Variants in FOXN1 observed in about 807,000 individuals in gnomAD.
The protein encoded by FOXN1 is forkhead box protein N1.
FOXN1 carries 15 observed loss-of-function variants against 49.0 expected under a neutral mutation model. That is an observed-to-expected ratio of 0.31 (90% CI 0.20 to 0.47). FOXN1 has a LOEUF of 0.47. Ranked by LOEUF, FOXN1 falls within the 20% of genes least tolerant of loss-of-function variation. FOXN1 has a pLI of 1.00. For synonymous variants in FOXN1, 356 were observed against 369.0 expected (o/e 0.96, Z 0.40); for missense variants, 800 against 842.8 (o/e 0.95, Z 0.63).
chr17:28,537,177 C>T lies in FOXN1; in HGVS notation c.1688C>T (p.Thr563Ile). 1.9e-6 allele frequency: 3 copies of T among 1,614,046 alleles called. No individual in the cohort carries two copies. Among genetic ancestry groups the T allele is most frequent in the South Asian group, 1.1e-5 (1 of 91,080 alleles). Residue 563 changes from threonine (T) to isoleucine (I), a missense_variant, in exon 9 of 9, where the codon ACC becomes ATC. By Grantham distance (89) the Thr-to-Ile change is moderately conservative. Transcript: ENST00000579795. ...SLALDPLVLVTSSPTSSSMPP... is the reference protein window; with the variant it reads ...SLALDPLVLVISSPTSSSMPP... ...GCCCTCGACCCCCTGGTACTGGTGA[C>T]CTCATCCCCGACATCATCTTCGATG...
chr17:28,529,484 G>A (rs567093545), intron 5 of FOXN1, among the ~76,000 whole-genome samples: 15 of 152,190 alleles, frequency 9.9e-5, no homozygotes, highest in Admixed American at 9.8e-4. Flanking sequence ...TGATGAGCCT[G>A]CCAAGGTCTC....
In FOXN1 at chr17:28,524,822, C is replaced by G; in HGVS notation, c.443C>G (p.Ser148Cys). ...ACCACCCTGGCCCTCAAAGGACACT[C>G]CTTTAAGACCCCAGGGCCGCTGGAG... Reference protein sequence around the residue: ...AETTLALKGHSFKTPGPLEAF... With the variant: ...AETTLALKGHCFKTPGPLEAF... Residue 148 changes from serine (S) to cysteine (C), a missense_variant, in exon 3 of 9, where the codon TCC (serine) becomes TGC (cysteine). Ser to Cys is a moderately radical substitution (Grantham distance 112, BLOSUM62 -1). Transcript: ENST00000579795. The G allele has an allele frequency of 1.2e-6, 2 of 1,613,804 alleles. No individual in the cohort carries two copies. Among genetic ancestry groups the G allele is most frequent in the Non-Finnish European group, 8.5e-7 (1 of 1,180,022 alleles).
chr17:28,523,343 G>A (rs190132355), intron 1 of FOXN1, among the ~76,000 whole-genome samples: 222 of 152,280 alleles, frequency 1.5e-3, no homozygotes, highest in Admixed American at 2.9e-3. Context: ...CCAGGCAACC[G>A]GGGGCCTTTG....
intron 3 of FOXN1, among the ~76,000 whole-genome samples, chr17:28,526,606 C>T (rs2069775316): frequency 6.6e-6 from 1 of 152,224 alleles, no homozygotes; most frequent in South Asian, 2.1e-4. Flanking sequence ...AGAGCATCCA[C>T]AGGACTCACG....
chr17:28,530,209 T>A (rs1187298451), intron 5 of FOXN1, among the ~76,000 whole-genome samples: 1 of 152,076 alleles, frequency 6.6e-6, no homozygotes, highest in Non-Finnish European at 1.5e-5. Flanking sequence ...ATAAGACTTT[T>A]AAGATTCAAA....
intron 8 of FOXN1, among the ~76,000 whole-genome samples, chr17:28,535,703 A>C (rs2070045756): frequency 6.6e-6 from 1 of 152,214 alleles, no homozygotes; most frequent in Admixed American, 6.5e-5. Flanking sequence ...AGATCGTGCC[A>C]CTGCACTCCA....
intron 4 of FOXN1, 25 bp downstream of exon 4, chr17:28,527,386 CT>C (rs2069796971): frequency 1.5e-6 from 2 of 1,347,234 alleles, no homozygotes; most frequent in Non-Finnish European, 2.1e-6. Context: ...AGTGGGCCTG[CT>C]TCCCCCAGGT....
chr17:28,530,651 T>A (rs184030907), intron 5 of FOXN1, 98 bp from the exon 6 acceptor site: 22 of 765,664 alleles, frequency 2.9e-5, no homozygotes, highest in South Asian at 1.9e-4. Context: ...CTCTTTCACC[T>A]CCAATCCCAT....
intron 6 of FOXN1, among the ~76,000 whole-genome samples, chr17:28,531,220 G>C (rs913116864): frequency 7.9e-5 from 12 of 152,214 alleles, no homozygotes; most frequent in African/African-American, 2.9e-4. Flanking sequence ...GATGCTGTGG[G>C]GCTGGAGAAG....
chr17:28,510,528 G>A (rs772003503), intron 1 of FOXN1, among the ~76,000 whole-genome samples: 9 of 144,684 alleles, frequency 6.2e-5, no homozygotes, highest in African/African-American at 1.8e-4. Context: ...CATCAGTCTC[G>A]GAAGGCATAG....
intron 1 of FOXN1, among the ~76,000 whole-genome samples, chr17:28,522,478 C>T (rs1239365127): frequency 6.6e-6 from 1 of 152,074 alleles, no homozygotes; most frequent in Non-Finnish European, 1.5e-5. Flanking sequence ...GAAATCCCTT[C>T]TCTACTAAAA....
At chr17:28,529,836 T>G (rs2069865728) in intron 5 of FOXN1, among the ~76,000 whole-genome samples, 2 of 152,122 alleles carry the variant, frequency 1.3e-5, no homozygotes, top group South Asian at 4.1e-4. Context: ...GGAGAGGAAC[T>G]TAAGCATCAG....
chr17:28,524,335 G>A (rs1034392676), intron 2 of FOXN1, among the ~76,000 whole-genome samples, 168 bp from the exon 3 acceptor site: 2 of 71,806 alleles, frequency 2.8e-5, no homozygotes, highest in African/African-American at 1.3e-4. Flanking sequence ...ATGGCAGGGT[G>A]CCCTCATGAA....
intron 3 of FOXN1, among the ~76,000 whole-genome samples, chr17:28,525,828 A>G (rs2069754757): frequency 6.6e-6 from 1 of 152,102 alleles, no homozygotes; most frequent in Admixed American, 6.5e-5. Context: ...GGTGTGGCCA[A>G]AACAGGACTT....
chr17:28,524,004 C>A lies in FOXN1; in HGVS notation c.35C>A (p.Thr12Lys). Residue 12 changes from threonine to lysine, a missense_variant, in exon 2 of 9, where the codon ACG becomes AAG. This residue lies in a region of FOXN1 where 383 missense variants were observed against 357.9 expected (regional missense o/e 1.07). Transcript: ENST00000579795. ...CTACCCCCGCCGCAGTCTGACGTCACGCTGCCGGGCCCCACCAGACTGGAG... is the reference window on the plus strand; with the variant it reads ...CTACCCCCGCCGCAGTCTGACGTCAAGCTGCCGGGCCCCACCAGACTGGAG... ...VSLPPPQSDVTLPGPTRLEGE... is the reference protein window; with the variant it reads ...VSLPPPQSDVKLPGPTRLEGE... 6.2e-7 allele frequency: 1 copy of A among 1,612,990 alleles called. No individual in the cohort carries two copies. Among genetic ancestry groups the A allele is most frequent in the Non-Finnish European group, 8.5e-7 (1 of 1,179,914 alleles).
intron 1 of FOXN1, among the ~76,000 whole-genome samples, chr17:28,509,496 A>G (rs2069341654): frequency 6.6e-6 from 1 of 152,032 alleles, no homozygotes; most frequent in Non-Finnish European, 1.5e-5. Flanking sequence ...AACACCCCTC[A>G]CCAGCATCCC....
Position 28,537,590 on chromosome 17 carries a change from G to T in FOXN1, c.*154G>T, listed in dbSNP as rs188710272. 4 of 699,648 alleles carry T rather than the reference G, an allele frequency of 5.7e-6. No individual in the cohort carries two copies. Among genetic ancestry groups the T allele is most frequent in the African/African-American group, 3.5e-5 (2 of 57,226 alleles). 43.3% of individuals were successfully genotyped at this position (699,648 alleles called of 1,614,324 possible). On this transcript the variant is annotated 3_prime_UTR_variant, in exon 9 of 9. Coordinates refer to ENST00000579795, the MANE Select transcript of FOXN1 (RefSeq NM_001369369.1). The stretch of plus-strand genomic sequence containing the variant: ...TGTGTGTCAGCTGGTAGCTGGGGGC[G>T]CAGAGGACATCACCTGGGGTGCTGC...
At chr17:28,511,204 C>G (rs1293685085) in intron 1 of FOXN1, among the ~76,000 whole-genome samples, 1 of 152,208 alleles carries the variant, frequency 6.6e-6, no homozygotes, top group African/African-American at 2.4e-5. Flanking sequence ...TGCCCATCCC[C>G]TGTGCAAGAT....
intron 4 of FOXN1, among the ~76,000 whole-genome samples, chr17:28,528,561 C>A (rs980711531): frequency 6.6e-6 from 1 of 152,078 alleles, no homozygotes; most frequent in Non-Finnish European, 1.5e-5. Flanking sequence ...AGTCTCCTAC[C>A]CCCATCCCCC....
Sources: allele counts gnomAD v4.1 joint callset (sites outside exome capture counted in the v4.1 genomes callset), GRCh38; gene constraint gnomAD v4.1.1; regional missense constraint gnomAD v4.1.1; transcripts MANE v1.5; gene names NCBI Gene and HGNC (gene_info 2026-07-23, HGNC 2026-07-21).